Variants in SVOPL observed in about 807,000 individuals in gnomAD.
The protein encoded by SVOPL is SVOP like.
SVOPL carries 60 observed loss-of-function variants against 61.0 expected under a neutral mutation model. The ratio of observed to expected loss-of-function variants is 0.98; its 90% CI spans 0.80 to 1.22. The LOEUF (loss-of-function observed/expected upper bound fraction) is 1.22. Among genes scored for constraint, SVOPL ranks in the 50% most tolerant of loss-of-function variants. The probability of loss-of-function intolerance (pLI) is 0.00; values close to 1 mark genes in which losing one functional copy is unlikely to be tolerated. For synonymous variants in SVOPL, 279 were observed against 250.0 expected (o/e 1.12, Z -1.09); for missense variants, 662 against 643.9 (o/e 1.03, Z -0.30).
chr7:138,608,411 G>A (rs535079606), intron 14 of SVOPL, among the ~76,000 whole-genome samples: 1 of 152,324 alleles, frequency 6.6e-6, no homozygotes, highest in African/African-American at 2.4e-5. Context: ...TAGGCCAATT[G>A]CGGGAACATA....
chr7:138,605,611 G>A (rs1798721217), intron 14 of SVOPL, among the ~76,000 whole-genome samples: 2 of 132,892 alleles, frequency 1.5e-5, no homozygotes, highest in East Asian at 2.2e-4. Flanking sequence ...GCAGTGACCC[G>A]AGATCATACC....
At chr7:138,694,117 C>A (rs1312664155) in intron 1 of SVOPL, among the ~76,000 whole-genome samples, 1 of 152,234 alleles carries the variant, frequency 6.6e-6, no homozygotes, top group African/African-American at 2.4e-5. Flanking sequence ...CAACCTTTCT[C>A]AAAGGCAATG....
At chr7:138,689,272 CAG>C (rs1802886369) in intron 1 of SVOPL, 1 of 1,578,010 alleles carries the variant, frequency 6.3e-7, no homozygotes, top group African/African-American at 1.3e-5. Flanking sequence ...GTTAAAAATG[CAG>C]AGAGCAATGC....
At position 138,613,267 on chromosome 7, in the gene SVOPL, G is replaced by A. The variant is rs1317575725; in HGVS notation, c.1353+7779C>T. Among the ~76,000 whole-genome samples the A allele has an allele frequency of 2.6e-5, 4 of 151,860 alleles. No individual in the cohort carries two copies. The South Asian group carries it at 6.3e-4, about 24-fold the overall frequency. Reference sequence around the variant, plus strand: ...ACCCCTGACTTCAGGTGATCCACCCGCCTCGGCCTCCCAAAGTGCTGAGAT... The same window carrying A: ...ACCCCTGACTTCAGGTGATCCACCCACCTCGGCCTCCCAAAGTGCTGAGAT... On this transcript the variant is annotated intron_variant, in intron 14 of 15. Transcript: ENST00000674285.
intron 1 of SVOPL, among the ~76,000 whole-genome samples, chr7:138,681,561 C>T (rs1802701679): frequency 1.3e-5 from 2 of 152,096 alleles, no homozygotes; most frequent in South Asian, 4.1e-4. Flanking sequence ...TGGTAGCTCA[C>T]ACCTGTAATC....
chr7:138,602,677 G>C (rs1798581168), intron 14 of SVOPL, among the ~76,000 whole-genome samples: 1 of 150,338 alleles, frequency 6.7e-6, no homozygotes, highest in African/African-American at 2.5e-5. Flanking sequence ...CCAGCAGGAG[G>C]CTTAAACCAC....
At chr7:138,642,365 TAC>T (rs1456213630) in intron 9 of SVOPL, among the ~76,000 whole-genome samples, 1 of 145,028 alleles carries the variant, frequency 6.9e-6, no homozygotes, top group Non-Finnish European at 1.5e-5. Context: ...TCTAATGAAA[TAC>T]ACAAACTTCT....
chr7:138,674,926 G>A (rs1802521537), intron 3 of SVOPL, among the ~76,000 whole-genome samples: 1 of 151,926 alleles, frequency 6.6e-6, no homozygotes, highest in African/African-American at 2.4e-5. Context: ...GGGTGAAGGT[G>A]GAGGAGAGTT....
Position 138,678,456 on chromosome 7 carries a change from A to T in SVOPL, c.152T>A (p.Phe51Tyr). The T allele has an allele frequency of 6.4e-7, 1 of 1,552,006 alleles. No individual in the cohort carries two copies. The highest frequency in any genetic ancestry group is 8.7e-7 in the Non-Finnish European group (1 of 1,147,034). The change falls in exon 3 of 16, where the codon TTT (phenylalanine) becomes TAT (tyrosine). Residue 51 changes from phenylalanine to tyrosine, a missense_variant. Transcript: ENST00000674285. ...IGFGRFHIAL[F>Y]LIMGSTGVVE... ...CACCCCAGTACTGCCCATGATCAGA[A>T]AGAGGGCAATGTGGAAACGCCCGAA... is the stretch of plus-strand genomic sequence containing the variant.
chr7:138,610,769 G>C (rs976161002), intron 14 of SVOPL, among the ~76,000 whole-genome samples: 1 of 152,156 alleles, frequency 6.6e-6, no homozygotes, highest in African/African-American at 2.4e-5. Context: ...CCCTTGAAGG[G>C]CCTCCCTGAG....
At chr7:138,596,301 G>T in intron 15 of SVOPL, 116 bp downstream of exon 15, 2 of 827,852 alleles carry the variant, frequency 2.4e-6, no homozygotes, top group Non-Finnish European at 3.6e-6. Context: ...TTTACAGAAA[G>T]AAATCTGATA....
At chr7:138,652,370 A>ATC (rs1801483068) in intron 7 of SVOPL, among the ~76,000 whole-genome samples, 35 of 151,612 alleles carry the variant, frequency 2.3e-4, no homozygotes, top group Admixed American at 2.3e-3. Context: ...TGATTTTTGT[A>ATC]GACTTGGGGC....
intron 1 of SVOPL, among the ~76,000 whole-genome samples, chr7:138,680,055 G>A (rs892223443): frequency 6.6e-6 from 1 of 152,136 alleles, no homozygotes; most frequent in Non-Finnish European, 1.5e-5. Flanking sequence ...TTAACCAAGA[G>A]CATCCTCTGA....
chr7:138,599,756 T>C (rs890575414), intron 14 of SVOPL, among the ~76,000 whole-genome samples: 1 of 151,820 alleles, frequency 6.6e-6, no homozygotes, highest in Non-Finnish European at 1.5e-5. Flanking sequence ...GGCGTGGTGG[T>C]GTGCACCTGT....
chr7:138,692,675 T>G (rs1209149939), intron 1 of SVOPL, among the ~76,000 whole-genome samples: 1 of 152,184 alleles, frequency 6.6e-6, no homozygotes, highest in East Asian at 1.9e-4. Context: ...GATCTTGACA[T>G]TAGACCGCTA....
chr7:138,637,019 T>G (rs762694790), intron 9 of SVOPL, among the ~76,000 whole-genome samples: 1 of 152,172 alleles, frequency 6.6e-6, no homozygotes, highest in Admixed American at 6.5e-5. Context: ...CTTGACAACT[T>G]GAAACATTCT....
chr7:138,694,975 G>A (rs1227830336), intron 1 of SVOPL, among the ~76,000 whole-genome samples: 1 of 152,074 alleles, frequency 6.6e-6, no homozygotes, highest in African/African-American at 2.4e-5. Context: ...CTGACCTCTG[G>A]TGATCCACCC....
chr7:138,601,251 CAAAAAA>C (rs59761826), intron 14 of SVOPL, among the ~76,000 whole-genome samples: 2 of 99,120 alleles, frequency 2.0e-5, no homozygotes, highest in African/African-American at 3.6e-5. Flanking sequence ...GATTCCATCT[CAAAAAA>C]AAAAAAAAAA....
At chr7:138,692,273 C>T (rs188039017) in intron 1 of SVOPL, among the ~76,000 whole-genome samples, 1 of 152,244 alleles carries the variant, frequency 6.6e-6, no homozygotes, top group East Asian at 1.9e-4. Context: ...TGTGTGTATG[C>T]ATGTGTGCTG....
Sources: allele counts gnomAD v4.1 joint callset (sites outside exome capture counted in the v4.1 genomes callset), GRCh38; gene constraint gnomAD v4.1.1; transcripts MANE v1.5; gene names NCBI Gene and HGNC (gene_info 2026-07-23, HGNC 2026-07-21).